The following ZNF43 variants were observed in gnomAD, a reference collection of about 807,000 sequenced individuals.
ZNF43 encodes zinc finger protein 43.
Under a neutral mutation model 68.4 loss-of-function variants are expected in ZNF43, and 44 were observed. That is an observed-to-expected ratio of 0.64 (90% confidence interval 0.51 to 0.83). The LOEUF (loss-of-function observed/expected upper bound fraction) is 0.83. Ranked by LOEUF, ZNF43 falls within the 40% of genes least tolerant of loss-of-function variation. ZNF43 has a pLI of 0.00. For synonymous variants in ZNF43, 308 were observed against 307.8 expected, an observed-to-expected ratio of 1.00 and a Z score of -0.01; for missense variants, 896 against 933.2, an observed-to-expected ratio of 0.96 and a Z score of 0.52.
chr19:21,849,210 T>C (rs538251105), intron 1 of ZNF43, among the ~76,000 whole-genome samples: 4 of 152,202 alleles, frequency 2.6e-5, no homozygotes, highest in Non-Finnish European at 5.9e-5. Flanking sequence ...GTAATTTGGC[T>C]GGGCACGGTG....
chr19:21,847,476 C>G (rs1241902469), intron 1 of ZNF43, among the ~76,000 whole-genome samples: 3 of 152,076 alleles, frequency 2.0e-5, no homozygotes, highest in Admixed American at 6.5e-5. Flanking sequence ...GAGGGTGGAT[C>G]ACTTGAGGCC....
Position 21,830,586 on chromosome 19 carries a change from CCAA to C in ZNF43, c.3+5447_3+5449del, listed in dbSNP as rs572157521. Among the ~76,000 whole-genome samples, 505 of 145,124 alleles carry C rather than the reference CCAA, an allele frequency of 3.5e-3. 3 individuals carry two copies. The highest frequency in any genetic ancestry group is 0.012 in the African/African-American group (471 of 39,128). Reference sequence around the variant, plus strand: ...AAAAAAAAAAGTATCCCTGAAGAGACCAACAAGATTCAAAATTGAAGTATAATA... The same window carrying C: ...AAAAAAAAAAGTATCCCTGAAGAGACCAAGATTCAAAATTGAAGTATAATA... On this transcript the variant is annotated intron_variant, in intron 1 of 3. Coordinates refer to ENST00000354959, the MANE Select transcript of ZNF43 (RefSeq NM_003423.4).
chr19:21,836,354 A>G (rs533522650), upstream of ZNF43: 258 of 971,340 alleles, frequency 2.7e-4, 1 homozygote, highest in African/African-American at 4.0e-3. Flanking sequence ...ATGACAGCCT[A>G]GGCTGCCGCC....
chr19:21,850,344 C>G (rs955098432), intron 1 of ZNF43, among the ~76,000 whole-genome samples: 1 of 151,720 alleles, frequency 6.6e-6, no homozygotes, highest in East Asian at 1.9e-4. Flanking sequence ...AGGTGGATCA[C>G]GAGGTCAGGA....
chr19:21,809,099 G>A lies in ZNF43; in HGVS notation c.938C>T (p.Pro313Leu), dbSNP rs1395195210. ...EHKKIHPGEK[P>L]YKCEECGKAF... ...TTTGCCACATTCTTCACATTTGTAA[G>A]GTTTCTCTCCAGGATGAATTTTCTT... The change falls in exon 4 of 4, where the codon CCT becomes CTT. Residue 313 changes from proline to leucine, a missense_variant. Transcript: ENST00000354959. 1 of 1,613,128 alleles carries A rather than the reference G, an allele frequency of 6.2e-7. No homozygotes were observed. The highest frequency in any genetic ancestry group is 1.1e-5 in the South Asian group (1 of 91,050).
chr19:21,824,045 C>T (rs896093366), intron 1 of ZNF43, among the ~76,000 whole-genome samples: 1 of 152,000 alleles, frequency 6.6e-6, no homozygotes, highest in South Asian at 2.1e-4. Flanking sequence ...AAAAATTAGC[C>T]GGGCGTGGTG....
intron 1 of ZNF43, among the ~76,000 whole-genome samples, chr19:21,844,921 A>AAAAAAATATATATAT (rs1310761266): frequency 3.8e-5 from 1 of 26,052 alleles, no homozygotes; most frequent in Non-Finnish European, 6.2e-5. Flanking sequence ...AAAAAAAAAA[A>AAAAAAATATATATAT]ATATATATAT....
At chr19:21,847,019 C>T (rs1331344758) in intron 1 of ZNF43, among the ~76,000 whole-genome samples, 2 of 152,162 alleles carry the variant, frequency 1.3e-5, no homozygotes, top group Non-Finnish European at 2.9e-5. Context: ...CAATATGCTA[C>T]AATGTTCCTG....
intron 1 of ZNF43, among the ~76,000 whole-genome samples, chr19:21,824,331 T>A (rs1274679415): frequency 6.6e-6 from 1 of 152,196 alleles, no homozygotes; most frequent in East Asian, 1.9e-4. Flanking sequence ...GTCATAGCTC[T>A]GGACATTTTG....
At chr19:21,850,283 C>A (rs939236676) in intron 1 of ZNF43, among the ~76,000 whole-genome samples, 1 of 143,828 alleles carries the variant, frequency 7.0e-6, no homozygotes, top group Non-Finnish European at 1.5e-5. Flanking sequence ...CTGGGCAGGG[C>A]CAGACACGGT....
upstream of ZNF43, chr19:21,836,275 T>C: frequency 7.5e-7 from 1 of 1,335,872 alleles, no homozygotes; most frequent in Non-Finnish European, 9.7e-7. Context: ...ATTGGATAAC[T>C]TCTAAGGTCC....
At chr19:21,822,934 C>A (rs1450935772) in intron 1 of ZNF43, among the ~76,000 whole-genome samples, 5 of 152,278 alleles carry the variant, frequency 3.3e-5, no homozygotes, top group Middle Eastern at 3.4e-3. Context: ...TTAGCCGCTG[C>A]CCTGTCAATT....
chr19:21,836,980 T>C (rs759535003), upstream of ZNF43, among the ~76,000 whole-genome samples: 16 of 152,142 alleles, frequency 1.1e-4, no homozygotes, highest in Non-Finnish European at 2.2e-4. Context: ...TAAAAGCAAA[T>C]TAAAAAGCAT....
Position 21,807,541 on chromosome 19 carries a change from AGT to A in ZNF43, c.*64_*65del, listed in dbSNP as rs1429664577. On this transcript the variant is annotated 3_prime_UTR_variant, in exon 4 of 4. Coordinates refer to ENST00000354959, the MANE Select transcript of ZNF43 (RefSeq NM_003423.4). ...ATGTAAATTATCTTACCTACAATCA[AGT>A]GTGACAACCATGTAAAGCCTTTATC... is the stretch of plus-strand genomic sequence containing the variant. The A allele has an allele frequency of 1.4e-6, 2 of 1,379,874 alleles. No individual in the cohort carries two copies. The highest frequency in any genetic ancestry group is 3.3e-5 in the South Asian group (2 of 61,108). The allele number at this position is 1,379,874 out of a possible 1,614,324, so 85.5% of individuals were successfully genotyped here.
chr19:21,836,418 T>C (rs920233385), upstream of ZNF43, among the ~76,000 whole-genome samples: 13 of 152,254 alleles, frequency 8.5e-5, no homozygotes, highest in Admixed American at 2.6e-4. Context: ...AGAGGGTATT[T>C]GCCTTTAACC....
chr19:21,849,488 CAAAAAAAAAAAAAA>C (rs35354919), intron 1 of ZNF43, among the ~76,000 whole-genome samples: 3 of 29,506 alleles, frequency 1.0e-4, no homozygotes, highest in Non-Finnish European at 2.0e-4. Flanking sequence ...AACCCTGCCT[CAAAAAAAAAAAAAA>C]AAAAAAAAAA....
Position 21,808,563 on chromosome 19 carries a change from T to TA in ZNF43, c.1473dup (p.Ser492Ter). ...TGTTTAGTAAGGTTTGAGGACCGGCTAAAAGCTTTGCCACATTCTTCACAT... is the reference window on the plus strand; with the variant it reads ...TGTTTAGTAAGGTTTGAGGACCGGCTAAAAAGCTTTGCCACATTCTTCACAT... On this transcript the variant is annotated frameshift_variant, in exon 4 of 4. Transcript: ENST00000354959. LOFTEE classifies it high-confidence loss of function. 2 of 1,613,650 alleles carry TA rather than the reference T, an allele frequency of 1.2e-6. No individual in the cohort carries two copies. The highest frequency in any genetic ancestry group is 1.7e-6 in the Non-Finnish European group (2 of 1,179,828).
intron 1 of ZNF43, among the ~76,000 whole-genome samples, chr19:21,831,322 G>A (rs1195841683): frequency 6.6e-6 from 1 of 152,028 alleles, no homozygotes; most frequent in East Asian, 1.9e-4. Context: ...TCTACACCTA[G>A]AAAACCCTAT....
upstream of ZNF43, among the ~76,000 whole-genome samples, chr19:21,836,987 G>C (rs948073643): frequency 2.0e-5 from 3 of 152,100 alleles, no homozygotes; most frequent in Non-Finnish European, 4.4e-5. Flanking sequence ...AAATTAAAAA[G>C]CATATACAAA....
Sources: allele counts gnomAD v4.1 joint callset (sites outside exome capture counted in the v4.1 genomes callset), GRCh38; gene constraint gnomAD v4.1.1; transcripts MANE v1.5; gene names NCBI Gene and HGNC (gene_info 2026-07-23, HGNC 2026-07-21).